UNC13B: variants seen among roughly 807,000 people sequenced by gnomAD.
The protein encoded by UNC13B is unc-13 homolog B.
A neutral mutation model predicts 211.0 loss-of-function variants in UNC13B; 144 were observed. That is an observed-to-expected ratio of 0.68 (90% CI 0.60 to 0.78). The LOEUF (loss-of-function observed/expected upper bound fraction) is 0.78, where lower values mean the gene tolerates loss of function less well. Ranked by LOEUF, UNC13B falls within the 30% of genes least tolerant of loss-of-function variation. The probability of loss-of-function intolerance (pLI) is 0.00; values close to 1 mark genes in which losing one functional copy is unlikely to be tolerated. For missense variants in UNC13B, 1,777 were observed against 2,002.0 expected (o/e 0.89, Z 2.14); for synonymous variants, 709 against 725.8 (o/e 0.98, Z 0.37).
Position 35,175,247 on chromosome 9 carries a change from C to T in UNC13B, c.22+12942C>T, listed in dbSNP as rs372853836. On this transcript the variant is annotated intron_variant, in intron 1 of 39. Transcript: ENST00000635942. ...GCAGATGATCCTTGAAAATGGTAAC[C>T]CAAATGTAGGTTTGTAGCTTAGTAG... 7.7e-4 allele frequency among the ~76,000 whole-genome samples: 117 copies of T among 152,244 alleles called. 2 individuals are homozygous for T. The South Asian group carries it at 0.019, about 25-fold the overall frequency.
At chr9:35,231,331 A>G (rs1825190961) in intron 3 of UNC13B, 112 bp downstream of exon 3, 1 of 715,786 alleles carries the variant, frequency 1.4e-6, no homozygotes, top group Non-Finnish European at 2.4e-6. Context: ...TATAAAATGT[A>G]CTGGCACTGT....
intron 7 of UNC13B, among the ~76,000 whole-genome samples, chr9:35,294,417 C>T (rs1039444801): frequency 6.6e-6 from 1 of 152,040 alleles, no homozygotes; most frequent in African/African-American, 2.4e-5. Flanking sequence ...AGCGATTCTT[C>T]CGCCTAAGCC....
intron 1 of UNC13B, among the ~76,000 whole-genome samples, chr9:35,209,055 CTTTGTTTG>C (rs1030271023): frequency 2.6e-5 from 4 of 151,980 alleles, no homozygotes; most frequent in Non-Finnish European, 5.9e-5. Flanking sequence ...TTCCTTTCCA[CTTTGTTTG>C]TTTGTTTGTT....
intron 35 of UNC13B, 77 bp from the exon 36 acceptor site, chr9:35,399,572 A>T: frequency 6.3e-7 from 1 of 1,599,992 alleles, no homozygotes. Context: ...ATGAATATGC[A>T]CTGGGGGCTG....
intron 10 of UNC13B, among the ~76,000 whole-genome samples, chr9:35,313,374 C>T (rs909194498): frequency 1.3e-5 from 2 of 152,168 alleles, no homozygotes; most frequent in East Asian, 3.9e-4. Flanking sequence ...CCTGTAATCC[C>T]AGCACTTTGG....
chr9:35,211,836 C>T (rs906765576), intron 1 of UNC13B, among the ~76,000 whole-genome samples: 2 of 152,156 alleles, frequency 1.3e-5, no homozygotes, highest in Non-Finnish European at 2.9e-5. Flanking sequence ...TAGTGCATGT[C>T]TGTAGTCCTA....
At chr9:35,247,527 C>A (rs982838058) in intron 6 of UNC13B, among the ~76,000 whole-genome samples, 2 of 152,126 alleles carry the variant, frequency 1.3e-5, no homozygotes, top group Admixed American at 6.6e-5. Flanking sequence ...AGATACGTCC[C>A]ATCAGTACCT....
At position 35,254,792 on chromosome 9, in the gene UNC13B, G is replaced by A. The variant is rs201355499; in HGVS notation, c.469-4201G>A. ...AAAGATTCCCTTAGATTTTCTGTGC[G>A]ACTAGGTTTTGCATCTTTAAATTAC... is the stretch of plus-strand genomic sequence containing the variant. On this transcript the variant is annotated intron_variant, in intron 6 of 39. Transcript: ENST00000635942. 5.0e-4 allele frequency among the ~76,000 whole-genome samples: 74 copies of A among 147,658 alleles called. 2 individuals carry two copies. In the East Asian group the frequency reaches 0.013, roughly 25 times the overall value.
chr9:35,177,134 A>G (rs946773524), intron 1 of UNC13B, among the ~76,000 whole-genome samples: 1 of 152,118 alleles, frequency 6.6e-6, no homozygotes, highest in African/African-American at 2.4e-5. Flanking sequence ...AAATTAAAAA[A>G]AAATTAGTCG....
At chr9:35,186,636 T>G (rs1397445357) in intron 1 of UNC13B, among the ~76,000 whole-genome samples, 1 of 152,098 alleles carries the variant, frequency 6.6e-6, no homozygotes, top group East Asian at 1.9e-4. Flanking sequence ...AAAAGCTGAC[T>G]GGTGGCAGAT....
Position 35,170,525 on chromosome 9 carries a change from A to G in UNC13B, c.22+8220A>G, listed in dbSNP as rs368147481. Among the ~76,000 whole-genome samples the G allele has an allele frequency of 3.0e-4, 45 of 152,114 alleles. No homozygotes were observed. The South Asian group carries it at 8.9e-3, about 30-fold the overall frequency. On this transcript the variant is annotated intron_variant, in intron 1 of 39. Coordinates refer to ENST00000635942, the MANE Select transcript of UNC13B (RefSeq NM_001371189.2). Reference sequence around the variant, plus strand: ...GCTCTGTTGCCCAGGCTGGAGTGCAATGGTGCGAACATGGCTCTCTGCAGC... The same window carrying G: ...GCTCTGTTGCCCAGGCTGGAGTGCAGTGGTGCGAACATGGCTCTCTGCAGC...
chr9:35,334,284 C>T (rs1305047712), intron 11 of UNC13B, among the ~76,000 whole-genome samples: 1 of 152,138 alleles, frequency 6.6e-6, no homozygotes, highest in East Asian at 1.9e-4. Context: ...CATTTTTGTA[C>T]CTCCCCTTAC....
intron 24 of UNC13B, among the ~76,000 whole-genome samples, chr9:35,386,653 T>A (rs1333441577): frequency 2.0e-5 from 3 of 152,210 alleles, no homozygotes; most frequent in Non-Finnish European, 4.4e-5. Context: ...TTGTAAGTTC[T>A]GGGCTTCCTT....
At position 35,377,462 on chromosome 9, in the gene UNC13B, C is replaced by T. The variant is rs143850752; in HGVS notation, c.9836-6C>T. 8.1e-5 allele frequency: 130 copies of T among 1,614,146 alleles called. No individual in the cohort carries two copies. Among genetic ancestry groups the T allele is most frequent in the East Asian group, 8.9e-5 (4 of 44,888 alleles). ...GGTGACCTGTTGTGTTCCTGGCCAC[C>T]TTCAGGGGCTGCAGAAAAGAGCTGT... On this transcript the variant is annotated splice_polypyrimidine_tract_variant and splice_region_variant and intron_variant, in intron 15 of 39. Coordinates refer to ENST00000635942, the MANE Select transcript of UNC13B (RefSeq NM_001371189.2).
chr9:35,346,474 T>C (rs1832365409), intron 11 of UNC13B, among the ~76,000 whole-genome samples: 1 of 152,234 alleles, frequency 6.6e-6, no homozygotes. Context: ...CTCTTTTTCG[T>C]TGGTAGGCTG....
At chr9:35,397,532 C>T in intron 29 of UNC13B, 103 bp from the exon 30 acceptor site, 2 of 1,376,350 alleles carry the variant, frequency 1.5e-6, no homozygotes, top group Non-Finnish European at 2.0e-6. Context: ...CCCTTTACCT[C>T]CCTGTTGTTA....
chr9:35,273,315 C>T (rs1377166868), intron 7 of UNC13B, among the ~76,000 whole-genome samples: 1 of 152,136 alleles, frequency 6.6e-6, no homozygotes, highest in Non-Finnish European at 1.5e-5. Flanking sequence ...CCAAAAGAGG[C>T]ATGTTTAATA....
chr9:35,294,129 T>A (rs1279277693), intron 7 of UNC13B, among the ~76,000 whole-genome samples: 1 of 152,176 alleles, frequency 6.6e-6, no homozygotes, highest in Non-Finnish European at 1.5e-5. Flanking sequence ...GTCATTTCCC[T>A]ATTATCTTCA....
intron 1 of UNC13B, among the ~76,000 whole-genome samples, chr9:35,195,436 A>T (rs73497380): frequency 0.026 from 3,967 of 152,130 alleles, 176 homozygotes; most frequent in African/African-American, 0.089. Context: ...CCAGTCTGTA[A>T]CCCAAAAACC....
Sources: gnomAD v4.1 joint callset for allele counts (sites outside exome capture counted in the v4.1 genomes callset) on GRCh38, gnomAD v4.1.1 for gene constraint, MANE v1.5 for transcripts, NCBI Gene and HGNC (gene_info 2026-07-23, HGNC 2026-07-21) for gene names.